Variants in DPP10 observed in about 807,000 individuals in gnomAD.
DPP10 encodes the protein inactive dipeptidyl peptidase 10.
DPP10 carries 33 observed loss-of-function variants against 120.9 expected under a neutral mutation model. That is an observed-to-expected ratio of 0.27 (90% CI 0.21 to 0.37). The LOEUF (loss-of-function observed/expected upper bound fraction) is 0.37. DPP10 is among the 10% of genes least tolerant of loss of function. The probability of loss-of-function intolerance (pLI) is 1.00; values close to 1 mark genes in which losing one functional copy is unlikely to be tolerated. For synonymous variants in DPP10, 337 were observed against 326.1 expected (o/e 1.03, Z -0.36); for missense variants, 816 against 942.8 (o/e 0.87, Z 1.76).
chr2:115,763,921 G>A (rs1178070446), intron 12 of DPP10, among the ~76,000 whole-genome samples: 1 of 152,120 alleles, frequency 6.6e-6, no homozygotes, highest in African/African-American at 2.4e-5. Context: ...ACCCTCATAT[G>A]CACAGGGACT....
At chr2:115,532,090 T>A (rs928829836) in intron 5 of DPP10, among the ~76,000 whole-genome samples, 1 of 152,100 alleles carries the variant, frequency 6.6e-6, no homozygotes, top group Admixed American at 6.6e-5. Context: ...ATTTGTCTGA[T>A]CACTCTCTAT....
intron 1 of DPP10, among the ~76,000 whole-genome samples, chr2:114,937,713 C>A (rs1484105016): frequency 6.6e-6 from 1 of 152,128 alleles, no homozygotes; most frequent in Non-Finnish European, 1.5e-5. Flanking sequence ...GCTGGTTCAC[C>A]TTTTATGGCC....
At chr2:114,623,965 A>G (rs888538936) in intron 1 of DPP10, among the ~76,000 whole-genome samples, 3 of 152,074 alleles carry the variant, frequency 2.0e-5, no homozygotes, top group Non-Finnish European at 4.4e-5. Context: ...CTCGTCTGTC[A>G]TATAGGAATG....
At chr2:114,646,568 A>T (rs1696155668) in intron 1 of DPP10, among the ~76,000 whole-genome samples, 1 of 152,180 alleles carries the variant, frequency 6.6e-6, no homozygotes, top group South Asian at 2.1e-4. Flanking sequence ...TGTTCTCGAG[A>T]TGACAGTATC....
intron 19 of DPP10, among the ~76,000 whole-genome samples, chr2:115,793,923 A>G (rs1684260930): frequency 1.3e-5 from 2 of 152,114 alleles, no homozygotes; most frequent in Non-Finnish European, 2.9e-5. Context: ...TATTTCTAAA[A>G]CACTATGCTT....
intron 19 of DPP10, among the ~76,000 whole-genome samples, chr2:115,796,127 G>A (rs1212584878): frequency 1.3e-5 from 2 of 151,986 alleles, no homozygotes; most frequent in African/African-American, 2.4e-5. Context: ...CACCCCCAAA[G>A]AGAAATCCCA....
At chr2:114,500,604 C>A (rs960086648) in intron 1 of DPP10, among the ~76,000 whole-genome samples, 1 of 152,166 alleles carries the variant, frequency 6.6e-6, no homozygotes, top group Non-Finnish European at 1.5e-5. Context: ...ACACTGCTTT[C>A]TTCAGATGAC....
intron 1 of DPP10, among the ~76,000 whole-genome samples, chr2:114,594,448 G>A (rs1691729800): frequency 6.8e-6 from 1 of 147,460 alleles, no homozygotes; most frequent in Admixed American, 6.8e-5. Context: ...GCTTATATGT[G>A]AACACATACA....
At chr2:114,469,944 C>T (rs2420047) in intron 1 of DPP10, among the ~76,000 whole-genome samples, 152,235 of 152,280 alleles carry the variant, frequency 1, 76,095 homozygotes, top group Non-Finnish European at 1. Flanking sequence ...ATTATGGATA[C>T]AGGACAAAAA....
chr2:115,419,682 A>C (rs2069760568), intron 3 of DPP10, among the ~76,000 whole-genome samples: 1 of 152,192 alleles, frequency 6.6e-6, no homozygotes, highest in Non-Finnish European at 1.5e-5. Flanking sequence ...GTAAGTTTTC[A>C]AACACTTCTT....
intron 1 of DPP10, among the ~76,000 whole-genome samples, chr2:115,185,198 C>T (rs973547503): frequency 4.6e-5 from 7 of 151,600 alleles, no homozygotes; most frequent in African/African-American, 1.7e-4. Flanking sequence ...ACGTTAACTC[C>T]TTTATTTCAG....
intron 1 of DPP10, among the ~76,000 whole-genome samples, chr2:114,595,151 C>A (rs17048497): frequency 0.15 from 22,253 of 152,026 alleles, 1,983 homozygotes; most frequent in African/African-American, 0.25. Flanking sequence ...CCTAAAGTCC[C>A]GTCTCCAGTT....
intron 1 of DPP10, among the ~76,000 whole-genome samples, chr2:115,298,038 G>A (rs1407086444): frequency 6.6e-6 from 1 of 152,008 alleles, no homozygotes; most frequent in Non-Finnish European, 1.5e-5. Context: ...ATGCTGAAAT[G>A]CATCCCTCAA....
chr2:114,928,162 A>C (rs1352000641), intron 1 of DPP10, among the ~76,000 whole-genome samples: 1 of 152,224 alleles, frequency 6.6e-6, no homozygotes, highest in East Asian at 1.9e-4. Flanking sequence ...AGATAAAATC[A>C]TCCCTCTCCA....
chr2:115,477,748 T>C (rs540825855), intron 3 of DPP10, among the ~76,000 whole-genome samples: 2 of 152,284 alleles, frequency 1.3e-5, no homozygotes, highest in African/African-American at 2.4e-5. Flanking sequence ...ATTTCAAAAT[T>C]TACTGCAAAG....
chr2:115,271,578 C>A (rs2059703178), intron 1 of DPP10, among the ~76,000 whole-genome samples: 1 of 152,108 alleles, frequency 6.6e-6, no homozygotes, highest in Non-Finnish European at 1.5e-5. Context: ...TACTAGGTAT[C>A]ATTGCACAGC....
At chr2:115,382,022 C>T (rs1181188010) in intron 3 of DPP10, among the ~76,000 whole-genome samples, 1 of 151,988 alleles carries the variant, frequency 6.6e-6, no homozygotes, top group African/African-American at 2.4e-5. Context: ...CTGTGCCCTG[C>T]CCCCAGAGGT....
intron 1 of DPP10, among the ~76,000 whole-genome samples, chr2:114,909,018 T>A (rs1232846612): frequency 6.6e-6 from 1 of 151,848 alleles, no homozygotes; most frequent in Non-Finnish European, 1.5e-5. Flanking sequence ...TTCTTAAAGT[T>A]TTTTTTCTTA....
chr2:115,674,236 A>T (rs2149450743), intron 5 of DPP10, among the ~76,000 whole-genome samples: 1 of 144,236 alleles, frequency 6.9e-6, no homozygotes, highest in African/African-American at 2.5e-5. Context: ...ACAAAAAAAT[A>T]AATGAGTAAA....
Sources: allele counts gnomAD v4.1 joint callset (sites outside exome capture counted in the v4.1 genomes callset), GRCh38; gene constraint gnomAD v4.1.1; transcripts MANE v1.5; gene names NCBI Gene and HGNC (gene_info 2026-07-23, HGNC 2026-07-21).